Variants in DTWD2 observed in about 807,000 individuals in gnomAD.
The protein encoded by DTWD2 is tRNA-uridine aminocarboxypropyltransferase 2.
DTWD2 carries 39 observed loss-of-function variants against 31.8 expected under a neutral mutation model. That is an observed-to-expected ratio of 1.22 (90% CI 0.95 to 1.60). DTWD2 has a LOEUF of 1.60. Among genes scored for constraint, DTWD2 ranks in the 40% most tolerant of loss-of-function variants. DTWD2 has a pLI of 0.00. For synonymous variants in DTWD2, 180 were observed against 142.8 expected (o/e 1.26, Z -1.86); for missense variants, 515 against 381.5 (o/e 1.35, Z -2.92).
chr5:118,985,162 C>A (rs1465810500), intron 1 of DTWD2, among the ~76,000 whole-genome samples: 4 of 152,056 alleles, frequency 2.6e-5, no homozygotes, highest in Non-Finnish European at 5.9e-5. Flanking sequence ...CCCAAATACA[C>A]TATATATTCT....
intron 4 of DTWD2, among the ~76,000 whole-genome samples, chr5:118,921,537 A>G (rs1753704516): frequency 6.6e-6 from 1 of 151,738 alleles, no homozygotes; most frequent in Admixed American, 6.6e-5. Context: ...AAAAAAAAGA[A>G]AGAAAGAAAA....
At chr5:118,884,653 A>G (rs539004569) in intron 4 of DTWD2, among the ~76,000 whole-genome samples, 1 of 152,332 alleles carries the variant, frequency 6.6e-6, no homozygotes, top group South Asian at 2.1e-4. Flanking sequence ...TATTTCTTCA[A>G]ATATCCTCTA....
intron 1 of DTWD2, among the ~76,000 whole-genome samples, chr5:118,976,791 A>T (rs1755171824): frequency 6.6e-6 from 1 of 152,226 alleles, no homozygotes; most frequent in African/African-American, 2.4e-5. Context: ...TTCTGAAACT[A>T]TTTCAAATAA....
At position 118,979,172 on chromosome 5, in the gene DTWD2, C is replaced by T. The variant is rs558806507; in HGVS notation, c.218+9122G>A. The stretch of plus-strand genomic sequence containing the variant: ...ACAAAAAATTAGCCAGGCATGGTGG[C>T]GGGCACCTGTAGTCCCAGCTACTCG... On this transcript the variant is annotated intron_variant, in intron 1 of 5. Transcript: ENST00000510708. Among the ~76,000 whole-genome samples the T allele has an allele frequency of 5.6e-3, 849 of 150,662 alleles. 3 individuals are homozygous for T. Among genetic ancestry groups the T allele is most frequent in the Middle Eastern group, 0.01 (3 of 286 alleles).
At chr5:118,925,078 A>T (rs1434031436) in intron 4 of DTWD2, among the ~76,000 whole-genome samples, 2 of 152,218 alleles carry the variant, frequency 1.3e-5, no homozygotes, top group Admixed American at 6.5e-5. Context: ...AAAAACTATA[A>T]AGAATTTAAG....
chr5:118,907,041 T>C (rs1753348433), intron 4 of DTWD2, among the ~76,000 whole-genome samples: 1 of 152,158 alleles, frequency 6.6e-6, no homozygotes, highest in African/African-American at 2.4e-5. Context: ...TATGCTAACA[T>C]TTCTTCACCT....
At chr5:118,963,916 T>A (rs905110827) in intron 1 of DTWD2, among the ~76,000 whole-genome samples, 1 of 152,160 alleles carries the variant, frequency 6.6e-6, no homozygotes, top group Non-Finnish European at 1.5e-5. Context: ...AAAGAAGATA[T>A]AAGCATTTGC....
intron 5 of DTWD2, among the ~76,000 whole-genome samples, chr5:118,844,940 C>A (rs1032699178): frequency 2.6e-5 from 4 of 152,030 alleles, no homozygotes; most frequent in African/African-American, 9.7e-5. Flanking sequence ...AGTTCAAGAC[C>A]AATCTGGGCA....
chr5:118,967,608 A>C (rs1366305793), intron 1 of DTWD2, among the ~76,000 whole-genome samples: 1 of 152,228 alleles, frequency 6.6e-6, no homozygotes, highest in Non-Finnish European at 1.5e-5. Context: ...GAACAATTTG[A>C]GCAATAAAAG....
At chr5:118,942,609 A>C (rs1023774251) in intron 2 of DTWD2, among the ~76,000 whole-genome samples, 1 of 152,066 alleles carries the variant, frequency 6.6e-6, no homozygotes, top group Non-Finnish European at 1.5e-5. Flanking sequence ...CAGGAATTCA[A>C]GACCAGCCTG....
intron 4 of DTWD2, among the ~76,000 whole-genome samples, chr5:118,876,239 C>G (rs1227723080): frequency 6.6e-6 from 1 of 152,048 alleles, no homozygotes; most frequent in Non-Finnish European, 1.5e-5. Flanking sequence ...ACTAAATGCC[C>G]ACATCAAAAA....
chr5:118,855,394 A>G (rs1286903923), intron 4 of DTWD2, among the ~76,000 whole-genome samples: 1 of 151,272 alleles, frequency 6.6e-6, no homozygotes, highest in East Asian at 1.9e-4. Flanking sequence ...TTTACTTAAA[A>G]CAAGTGATAT....
intron 4 of DTWD2, among the ~76,000 whole-genome samples, chr5:118,863,848 G>A (rs1752321985): frequency 6.6e-6 from 1 of 151,938 alleles, no homozygotes; most frequent in Non-Finnish European, 1.5e-5. Context: ...AGAAGACTAA[G>A]GCTCAAAAAC....
chr5:118,885,467 A>AC (rs1207817412), intron 4 of DTWD2, among the ~76,000 whole-genome samples: 4 of 150,232 alleles, frequency 2.7e-5, no homozygotes, highest in African/African-American at 9.8e-5. Context: ...AAAAAAAAAA[A>AC]AAAAAAAAAA....
chr5:118,867,250 C>T (rs1752399668), intron 4 of DTWD2, among the ~76,000 whole-genome samples: 1 of 151,834 alleles, frequency 6.6e-6, no homozygotes, highest in Non-Finnish European at 1.5e-5. Context: ...TAAAATTGAA[C>T]AGCATACATA....
At chr5:118,903,589 A>C (rs1240686166) in intron 4 of DTWD2, among the ~76,000 whole-genome samples, 3 of 152,080 alleles carry the variant, frequency 2.0e-5, no homozygotes, top group Non-Finnish European at 4.4e-5. Context: ...CAGAATTTTC[A>C]AGGAGAATAC....
rs1230383769 is a variant in DTWD2 at position 118,988,212 on chromosome 5, G to T, written c.218+82C>A. 3.3e-6 allele frequency: 5 copies of T among 1,509,104 alleles called. No homozygotes were observed. The Admixed American group carries it at 9.8e-5, about 30-fold the overall frequency. The allele number at this position is 1,509,104 out of a possible 1,614,324, so 93.5% of individuals were successfully genotyped here. On this transcript the variant is annotated intron_variant, in intron 1 of 5. Coordinates refer to ENST00000510708, the MANE Select transcript of DTWD2 (RefSeq NM_173666.4). ...CCCTAATCGCAGAGCTGCCCGAGCC[G>T]CCGACTCCCCGGCAGGGGGCGCCGC...
intron 4 of DTWD2, among the ~76,000 whole-genome samples, chr5:118,862,286 G>A (rs1457102467): frequency 6.6e-6 from 1 of 152,188 alleles, no homozygotes; most frequent in African/African-American, 2.4e-5. Flanking sequence ...AAAAGGTTGG[G>A]GACTACTGGG....
At chr5:118,935,458 G>T (rs1288294245) in intron 3 of DTWD2, among the ~76,000 whole-genome samples, 1 of 152,102 alleles carries the variant, frequency 6.6e-6, no homozygotes, top group Non-Finnish European at 1.5e-5. Flanking sequence ...CGTAGGCAGG[G>T]TCAGAATTGA....
Sources: gnomAD v4.1 joint callset for allele counts (sites outside exome capture counted in the v4.1 genomes callset) on GRCh38, gnomAD v4.1.1 for gene constraint, MANE v1.5 for transcripts, NCBI Gene and HGNC (gene_info 2026-07-23, HGNC 2026-07-21) for gene names.